Variants in MTMR8 observed in about 807,000 individuals in gnomAD.
MTMR8 encodes the protein phosphatidylinositol-3,5-bisphosphate 3-phosphatase MTMR8.
A neutral mutation model predicts 39.3 loss-of-function variants in MTMR8; 65 were observed. The ratio of observed to expected loss-of-function variants is 1.65; its 90% confidence interval spans 1.35 to 2.03. The LOEUF is 2.03. Among genes scored for constraint, MTMR8 ranks in the 30% most tolerant of loss-of-function variants. MTMR8 has a pLI of 0.00. For synonymous variants in MTMR8, 245 were observed against 185.2 expected (o/e 1.32, Z -2.62); for missense variants, 777 against 538.9 (o/e 1.44, Z -4.37).
In MTMR8 at chrX:64,354,832, C is replaced by T. The variant is rs756598274; in HGVS notation, c.413G>A (p.Arg138His). Residue 138 changes from arginine to histidine, a missense_variant, in exon 4 of 14, where the codon CGT (arginine) becomes CAT (histidine). Transcript: ENST00000374852. ...KLIDPISDFG[R>H]MGIPNRNWTI... ...CCAGTTTCTGTTGGGTATTCCCATACGCCCAAAGTCTGATATTGGGTCAAT... is the reference window on the plus strand; with the variant it reads ...CCAGTTTCTGTTGGGTATTCCCATATGCCCAAAGTCTGATATTGGGTCAAT... The T allele has an allele frequency of 5.7e-5, 69 of 1,204,017 alleles. No homozygotes were observed. Among genetic ancestry groups the T allele is most frequent in the East Asian group, 2.1e-4 (7 of 33,437 alleles).
chrX:64,326,264 C>T (rs779781380), intron 12 of MTMR8, among the ~76,000 whole-genome samples: 13 of 111,035 alleles, frequency 1.2e-4, no homozygotes, highest in African/African-American at 3.9e-4. Context: ...TGGACTCACA[C>T]ATTTCAAATC....
intron 1 of MTMR8, among the ~76,000 whole-genome samples, chrX:64,362,979 G>C (rs1923834518): frequency 9.0e-6 from 1 of 110,808 alleles, no homozygotes; most frequent in Non-Finnish European, 1.9e-5. Flanking sequence ...ACCATGAAGA[G>C]AAGCTCAAAA....
intron 4 of MTMR8, 29 bp downstream of exon 4, chrX:64,354,748 C>T: frequency 8.7e-7 from 1 of 1,148,778 alleles, no homozygotes; most frequent in Non-Finnish European, 1.2e-6. Flanking sequence ...TTAAATGCAC[C>T]AAAAGGCAAA....
At chrX:64,272,372 G>A (rs1242375369) in intron 12 of MTMR8, among the ~76,000 whole-genome samples, 1 of 111,380 alleles carries the variant, frequency 9.0e-6, no homozygotes, top group Admixed American at 9.6e-5. Context: ...TAAAGCTGAA[G>A]AATACAATAA....
chrX:64,328,500 G>A (rs750966630), intron 12 of MTMR8, among the ~76,000 whole-genome samples: 5 of 111,483 alleles, frequency 4.5e-5, no homozygotes, highest in African/African-American at 6.5e-5. Flanking sequence ...AAGAGTAAAT[G>A]AATCAAACAA....
At chrX:64,357,074 T>C (rs1165809859) in intron 2 of MTMR8, among the ~76,000 whole-genome samples, 1 of 112,226 alleles carries the variant, frequency 8.9e-6, no homozygotes, top group Non-Finnish European at 1.9e-5. Context: ...AAGAAATGCA[T>C]GGAAAGGGAA....
intron 1 of MTMR8, among the ~76,000 whole-genome samples, chrX:64,372,027 C>T (rs144487781): frequency 0.012 from 1,310 of 108,117 alleles, 6 homozygotes; most frequent in Non-Finnish European, 0.016. Flanking sequence ...TACCTACATA[C>T]CTACATTGAT....
At chrX:64,369,386 G>A (rs1328317472) in intron 1 of MTMR8, among the ~76,000 whole-genome samples, 1 of 111,687 alleles carries the variant, frequency 9.0e-6, no homozygotes, top group Non-Finnish European at 1.9e-5. Flanking sequence ...AATGATAGAC[G>A]GGATTAAGAA....
intron 12 of MTMR8, among the ~76,000 whole-genome samples, chrX:64,296,231 G>A (rs1921575240): frequency 9.0e-6 from 1 of 111,306 alleles, no homozygotes; most frequent in Non-Finnish European, 1.9e-5. Context: ...AATATTCTAT[G>A]ACTTCACTTA....
chrX:64,302,665 T>C (rs1199646339), intron 12 of MTMR8, among the ~76,000 whole-genome samples: 1 of 112,755 alleles, frequency 8.9e-6, no homozygotes, highest in Non-Finnish European at 1.9e-5. Flanking sequence ...AGTACCAATC[T>C]GAAAATGTTA....
At chrX:64,296,157 A>C (rs1921572618) in intron 12 of MTMR8, among the ~76,000 whole-genome samples, 1 of 112,081 alleles carries the variant, frequency 8.9e-6, no homozygotes, top group African/African-American at 3.2e-5. Flanking sequence ...ATGCTGCAAC[A>C]TGGATGGACC....
At chrX:64,340,289 A>G (rs1466611709) in intron 8 of MTMR8, among the ~76,000 whole-genome samples, 3 of 112,300 alleles carry the variant, frequency 2.7e-5, no homozygotes, top group Non-Finnish European at 3.8e-5. Context: ...GGAATTATAA[A>G]AAGTCCAAAG....
At chrX:64,302,224 C>T (rs1313548954) in intron 12 of MTMR8, among the ~76,000 whole-genome samples, 5 of 112,468 alleles carry the variant, frequency 4.4e-5, no homozygotes, top group Admixed American at 9.3e-5. Context: ...CGAGATTCCG[C>T]GGGCGTAGGA....
intron 10 of MTMR8, among the ~76,000 whole-genome samples, chrX:64,332,425 TA>T (rs1922966926): frequency 8.9e-6 from 1 of 111,790 alleles, no homozygotes; most frequent in Non-Finnish European, 1.9e-5. Context: ...CTCACAACGA[TA>T]CCACCTTTCC....
At chrX:64,291,234 A>G (rs894038808) in intron 12 of MTMR8, among the ~76,000 whole-genome samples, 2 of 111,063 alleles carry the variant, frequency 1.8e-5, no homozygotes, top group Non-Finnish European at 3.8e-5. Context: ...CAAACTAAGC[A>G]TATTTTTAAC....
rs749835925 is a variant in MTMR8, at chrX:64,362,255, A to G, written c.25-2728T>C. On this transcript the variant is annotated intron_variant, in intron 1 of 13. Coordinates refer to ENST00000374852, the MANE Select transcript of MTMR8 (RefSeq NM_017677.4). ...AAAGATGGCAATTATCCCTCAATCT[A>G]TAAATTCAATACAATTTCAATCATA... Among the ~76,000 whole-genome samples, 7 of 107,793 alleles carry G rather than the reference A, an allele frequency of 6.5e-5. No individual in the cohort carries two copies. The East Asian group carries it at 2.0e-3, about 31-fold the overall frequency. 93.6% of individuals were successfully genotyped at this position (107,793 alleles called of 115,157 possible).
intron 1 of MTMR8, among the ~76,000 whole-genome samples, chrX:64,370,181 T>C (rs1171012976): frequency 9.1e-6 from 1 of 110,441 alleles, no homozygotes; most frequent in Non-Finnish European, 1.9e-5. Context: ...GTTAGAAAAA[T>C]AGAACAAAAC....
chrX:64,324,814 C>CAAAAAAAAAA (rs758476355), intron 12 of MTMR8, among the ~76,000 whole-genome samples: 1 of 28,717 alleles, frequency 3.5e-5, no homozygotes, highest in African/African-American at 2.9e-4. Context: ...TGTTGCTCAC[C>CAAAAAAAAAA]AAAAAAAAAA....
chrX:64,289,270 TAAC>T (rs1207255178), intron 12 of MTMR8, among the ~76,000 whole-genome samples: 1 of 110,702 alleles, frequency 9.0e-6, no homozygotes, highest in Non-Finnish European at 1.9e-5. Context: ...GAACAAAGAA[TAAC>T]AAGTTTTGGT....
Sources: allele counts gnomAD v4.1 joint callset (sites outside exome capture counted in the v4.1 genomes callset), GRCh38; gene constraint gnomAD v4.1.1; transcripts MANE v1.5; gene names NCBI Gene and HGNC (gene_info 2026-07-23, HGNC 2026-07-21).